The following WWP1 variants were observed in gnomAD, a reference collection of about 807,000 sequenced individuals.
WWP1 encodes the protein NEDD4-like E3 ubiquitin-protein ligase WWP1.
Under a neutral mutation model 130.6 loss-of-function variants are expected in WWP1, and 49 were observed. That is an observed-to-expected ratio of 0.38 (90% CI 0.30 to 0.48). WWP1 has a LOEUF of 0.48. WWP1 is among the 20% of genes least tolerant of loss of function. The pLI is 0.99. For missense variants in WWP1, 809 were observed against 1,100.6 expected, an observed-to-expected ratio of 0.74 and a Z score of 3.75; for synonymous variants, 332 against 367.8, an observed-to-expected ratio of 0.90 and a Z score of 1.11.
At chr8:86,377,254 T>C (rs1586297797) in intron 3 of WWP1, among the ~76,000 whole-genome samples, 1 of 28,866 alleles carries the variant, frequency 3.5e-5, no homozygotes, top group East Asian at 5.7e-4. Flanking sequence ...CCTGTCTAAT[T>C]TTTTTTTTTT....
chr8:86,423,378 A>G (rs921145387), intron 9 of WWP1, among the ~76,000 whole-genome samples: 4 of 151,908 alleles, frequency 2.6e-5, no homozygotes, highest in African/African-American at 7.3e-5. Context: ...GCGGCCTTCC[A>G]CAGTGTTTGT....
intron 11 of WWP1, among the ~76,000 whole-genome samples, chr8:86,429,997 G>A (rs893003102): frequency 2.6e-5 from 4 of 152,072 alleles, no homozygotes; most frequent in Non-Finnish European, 5.9e-5. Context: ...CTAGGAGTTC[G>A]AGACCAGCCT....
At chr8:86,464,759 T>C (rs937816306) in intron 24 of WWP1, among the ~76,000 whole-genome samples, 5 of 152,134 alleles carry the variant, frequency 3.3e-5, no homozygotes, top group Non-Finnish European at 7.4e-5. Context: ...CAAGCTGTCC[T>C]GCCTTGGCCT....
intron 1 of WWP1, among the ~76,000 whole-genome samples, chr8:86,352,298 C>T (rs190972613): frequency 2.8e-3 from 419 of 152,186 alleles, no homozygotes; most frequent in African/African-American, 9.5e-3. Flanking sequence ...TATCTCGGCT[C>T]ACTGCAACCT....
intron 9 of WWP1, among the ~76,000 whole-genome samples, chr8:86,417,011 C>G (rs1323049871): frequency 6.6e-6 from 1 of 152,118 alleles, no homozygotes. Context: ...CTACCAGGTC[C>G]CAAGCCTTGG....
chr8:86,398,540 A>G (rs1372504890), intron 6 of WWP1, 32 bp from the exon 7 acceptor site: 1 of 1,611,472 alleles, frequency 6.2e-7, no homozygotes, highest in African/African-American at 1.3e-5. Flanking sequence ...GAAGTATATA[A>G]AAACCTAGTT....
At chr8:86,423,277 G>T (rs866085402) in intron 9 of WWP1, among the ~76,000 whole-genome samples, 2 of 151,926 alleles carry the variant, frequency 1.3e-5, no homozygotes, top group South Asian at 2.1e-4. Flanking sequence ...CCCAGAGGGG[G>T]ATTTGGCAGG....
chr8:86,364,832 A>AG (rs779857907), intron 1 of WWP1, among the ~76,000 whole-genome samples: 7,162 of 101,214 alleles, frequency 0.071, 190 homozygotes, highest in Non-Finnish European at 0.1. Context: ...AGAAAGAAAG[A>AG]AAGAGAGAGA....
Position 86,467,637 on chromosome 8 carries a change from A to C in WWP1, c.*744A>C, listed in dbSNP as rs564549750. On this transcript the variant is annotated 3_prime_UTR_variant, in exon 25 of 25. Coordinates refer to ENST00000517970, the MANE Select transcript of WWP1 (RefSeq NM_007013.4). ...AAGTTTGTTTACATGTTACTTTGAG[A>C]TGCTAGGTATTTGTGGAATTAAAAA... The C allele has an allele frequency of 6.6e-6, 1 of 152,144 alleles. No homozygotes were observed. The highest frequency in any genetic ancestry group is 6.6e-5 in the Admixed American group (1 of 15,216). The allele number at this position is 152,144 out of a possible 1,614,324, so 9.4% of individuals were successfully genotyped here. A position where few individuals can be genotyped will look rare whatever the true frequency, so the allele number is the denominator to read the frequency against.
chr8:86,462,973 G>GT (rs952249996), intron 24 of WWP1, among the ~76,000 whole-genome samples: 2 of 151,926 alleles, frequency 1.3e-5, no homozygotes, highest in South Asian at 2.1e-4. Flanking sequence ...TTGAGTATAT[G>GT]TTTTTTTAAC....
At chr8:86,374,148 G>C (rs766705606) in intron 3 of WWP1, 28 bp downstream of exon 3, 2 of 1,551,620 alleles carry the variant, frequency 1.3e-6, no homozygotes, top group Non-Finnish European at 8.8e-7. Flanking sequence ...TTAATATGGT[G>C]ATTCCCTGAT....
intron 7 of WWP1, 142 bp downstream of exon 7, chr8:86,398,780 G>A: frequency 1.2e-6 from 1 of 835,326 alleles, no homozygotes. Context: ...GTTAATTCTT[G>A]TGAAAGTAGC....
chr8:86,382,847 A>G lies in WWP1; in HGVS notation c.334+1218A>G, dbSNP rs113726839. Among the ~76,000 whole-genome samples the G allele has an allele frequency of 2.5e-3, 383 of 152,278 alleles. 1 individual carries two copies. Among genetic ancestry groups the G allele is most frequent in the African/African-American group, 8.8e-3 (364 of 41,558 alleles). ...AAATAGGCTCTTGCTCAAATCTGTA[A>G]ATATTTTTGCTCTTCTTATTTCTGT... On this transcript the variant is annotated intron_variant, in intron 5 of 24. Transcript: ENST00000517970.
chr8:86,365,753 A>G (rs1220469100), intron 1 of WWP1, among the ~76,000 whole-genome samples: 2 of 152,214 alleles, frequency 1.3e-5, no homozygotes, highest in Non-Finnish European at 2.9e-5. Context: ...ACTTGAGGCC[A>G]GAGGTTAAAG....
chr8:86,401,217 C>A (rs1241453587), intron 7 of WWP1, among the ~76,000 whole-genome samples: 1 of 151,806 alleles, frequency 6.6e-6, no homozygotes, highest in Non-Finnish European at 1.5e-5. Flanking sequence ...TAATTTGTAA[C>A]TAATATTTGA....
At chr8:86,404,777 C>T (rs1051554645) in intron 8 of WWP1, among the ~76,000 whole-genome samples, 2 of 152,200 alleles carry the variant, frequency 1.3e-5, no homozygotes, top group Non-Finnish European at 2.9e-5. Context: ...AACTGAGGCA[C>T]TGAGAGGGCA....
chr8:86,374,179 T>A, intron 3 of WWP1, 59 bp downstream of exon 3: 3 of 1,327,570 alleles, frequency 2.3e-6, no homozygotes, highest in Non-Finnish European at 3.2e-6. Flanking sequence ...TTTGAATACC[T>A]AATTCAGCAG....
intron 7 of WWP1, among the ~76,000 whole-genome samples, chr8:86,401,326 A>C (rs962171830): frequency 1.2e-4 from 19 of 152,214 alleles, no homozygotes; most frequent in Middle Eastern, 3.4e-3. Flanking sequence ...TTTGGGGGTC[A>C]AGATGGGAGG....
chr8:86,452,165 C>G (rs1563546358), intron 20 of WWP1, among the ~76,000 whole-genome samples: 1 of 151,932 alleles, frequency 6.6e-6, no homozygotes, highest in Non-Finnish European at 1.5e-5. Flanking sequence ...TAAGAAGAGC[C>G]TGTTAAATGA....
Sources: gnomAD v4.1 joint callset for allele counts (sites outside exome capture counted in the v4.1 genomes callset) on GRCh38, gnomAD v4.1.1 for gene constraint, MANE v1.5 for transcripts, NCBI Gene and HGNC (gene_info 2026-07-23, HGNC 2026-07-21) for gene names.